The following KIF13A variants were observed in gnomAD, a reference collection of about 807,000 sequenced individuals.
KIF13A encodes the protein kinesin family member 13A, also known as kinesin-like protein KIF13A.
In KIF13A, 79 loss-of-function variants were observed where a neutral mutation model predicts 212.2. The observed-to-expected ratio is 0.37, with a 90% confidence interval of 0.31 to 0.45. KIF13A has a LOEUF of 0.45. KIF13A is among the 20% of genes least tolerant of loss of function. The pLI is 1.00. For missense variants in KIF13A, 1,901 were observed against 2,209.0 expected (o/e 0.86, Z 2.79); for synonymous variants, 789 against 808.6 (o/e 0.98, Z 0.41).
rs188464281 is a variant in KIF13A at position 17,982,997 on chromosome 6, C to G, written c.146+4057G>C. ...CAGCCTGGCCAACATAGTGAAACCC[C>G]GTCTCTACTAAAAATACACAAAAAA... On this transcript the variant is annotated intron_variant, in intron 2 of 38. Transcript: ENST00000259711. The surrounding 1 kb of genome is among the most constrained non-coding windows in gnomAD (Gnocchi z 5.1). Among the ~76,000 whole-genome samples, 62 of 151,852 alleles carry G rather than the reference C, an allele frequency of 4.1e-4. No individual in the cohort carries two copies. The highest frequency in any genetic ancestry group is 1.4e-3 in the African/African-American group (59 of 41,402).
chr6:17,938,063 TA>T lies in KIF13A; in HGVS notation c.147-39884del, dbSNP rs992278848. Among the ~76,000 whole-genome samples, 6 of 52,960 alleles carry T rather than the reference TA, an allele frequency of 1.1e-4. No homozygotes were observed. In the East Asian group the frequency reaches 2.0e-3, roughly 18 times the overall value. 34.7% of individuals were successfully genotyped at this position (52,960 alleles called of 152,430 possible). On this transcript the variant is annotated intron_variant, in intron 2 of 38. Transcript: ENST00000259711. The stretch of plus-strand genomic sequence containing the variant: ...GTGCCCCGCCCTAATTACATAATTT[TA>T]AAATTTTTTTTGTAGAGATGGGGAC...
chr6:17,922,714 G>A (rs1020302471), intron 2 of KIF13A, among the ~76,000 whole-genome samples: 26 of 151,724 alleles, frequency 1.7e-4, no homozygotes, highest in Admixed American at 5.9e-4. Context: ...TGGGTTATCT[G>A]TGTTTTCAGC....
chr6:17,950,674 TAA>T, intron 2 of KIF13A: 7 of 985,056 alleles, frequency 7.1e-6, no homozygotes, highest in Non-Finnish European at 7.2e-6. Flanking sequence ...TTTATGTGTC[TAA>T]GAGTCCTCAA....
chr6:17,779,158 TG>T, intron 32 of KIF13A, 59 bp from the exon 33 acceptor site: 1 of 1,493,064 alleles, frequency 6.7e-7, no homozygotes, highest in African/African-American at 1.4e-5. Context: ...TCATCCAAAG[TG>T]TGGTGAGAAA....
At position 17,912,556 on chromosome 6, in the gene KIF13A, A is replaced by C. The variant is rs1441833002; in HGVS notation, c.147-14376T>G. On this transcript the variant is annotated intron_variant, in intron 2 of 38. Transcript: ENST00000259711. This position sits in a 1 kb window ranked among gnomAD's most constrained non-coding sequence, Gnocchi z 4.2. ...ATATAGACAATGCTTATTAAATTCT[A>C]CTGAATAAACCAACAGAACCCCCAT... Among the ~76,000 whole-genome samples the C allele has an allele frequency of 6.6e-6, 1 of 152,222 alleles. No homozygotes were observed. The highest frequency in any genetic ancestry group is 2.4e-5 in the African/African-American group (1 of 41,452).
At chr6:17,965,136 T>G (rs1056809088) in intron 2 of KIF13A, among the ~76,000 whole-genome samples, 3 of 152,300 alleles carry the variant, frequency 2.0e-5, no homozygotes, top group Non-Finnish European at 4.4e-5. Context: ...GCCAGGATTT[T>G]AAAAATCAAA....
chr6:17,927,783 G>A (rs1775613483), intron 2 of KIF13A, among the ~76,000 whole-genome samples: 2 of 152,196 alleles, frequency 1.3e-5, no homozygotes, highest in South Asian at 2.1e-4. Context: ...CAGAGGCAAT[G>A]GGATGGTGAG....
chr6:17,944,565 C>T (rs145272416), intron 2 of KIF13A, among the ~76,000 whole-genome samples: 24 of 152,242 alleles, frequency 1.6e-4, no homozygotes, highest in African/African-American at 4.6e-4. Flanking sequence ...CCCCTCTTGT[C>T]CCACTCCTCC....
chr6:17,965,643 T>C (rs977787807), intron 2 of KIF13A, among the ~76,000 whole-genome samples: 1 of 152,244 alleles, frequency 6.6e-6, no homozygotes, highest in East Asian at 1.9e-4. Flanking sequence ...TTTCAGAGCA[T>C]AGCAATAAAG....
intron 2 of KIF13A, among the ~76,000 whole-genome samples, chr6:17,957,294 A>G (rs760883536): frequency 1.6e-4 from 25 of 152,210 alleles, no homozygotes; most frequent in Non-Finnish European, 3.4e-4. Context: ...TGGAGGCAGC[A>G]GACAGGACAG....
At position 17,950,875 on chromosome 6, in the gene KIF13A, A is replaced by C; in HGVS notation, c.146+36179T>G. The C allele has an allele frequency of 2.7e-5, 27 of 983,646 alleles. 1 individual carries two copies. Among genetic ancestry groups the C allele is most frequent in the Non-Finnish European group, 3.3e-5 (27 of 828,316 alleles). 60.9% of individuals were successfully genotyped at this position (983,646 alleles called of 1,614,324 possible). A position where few individuals can be genotyped will look rare whatever the true frequency, so the allele number is the denominator to read the frequency against. ...CAACACTATTGAACATAAATGATTA[A>C]ATGTGTGGGATAATTAGAAACAACC... On this transcript the variant is annotated intron_variant, in intron 2 of 38. Coordinates refer to ENST00000259711, the MANE Select transcript of KIF13A (RefSeq NM_022113.6).
Position 17,855,526 on chromosome 6 carries a change from C to T in KIF13A, c.405G>A (p.Leu135=). 1 of 1,613,688 alleles carries T rather than the reference C, an allele frequency of 6.2e-7. No individual in the cohort carries two copies. The highest frequency in any genetic ancestry group is 8.5e-7 in the Non-Finnish European group (1 of 1,179,702). Reference sequence around the variant, plus strand: ...TAAAGGTCTGTGACTCATTTTGCTCCAAAGAGATCCTTTTAAATAAAGCAC... The same window carrying T: ...TAAAGGTCTGTGACTCATTTTGCTCTAAAGAGATCCTTTTAAATAAAGCAC... ...LCCALFKRIS[L]EQNESQTFKV... Residue 135 remains leucine (L), a synonymous_variant, in exon 6 of 39, where the codon TTG becomes TTA. Transcript: ENST00000259711. This position sits in a 1 kb window ranked among gnomAD's most constrained non-coding sequence, Gnocchi z 4.1.
intron 16 of KIF13A, among the ~76,000 whole-genome samples, chr6:17,819,606 C>T (rs1038594072): frequency 1.2e-4 from 17 of 145,116 alleles, no homozygotes; most frequent in Non-Finnish European, 2.5e-4. Flanking sequence ...AAAACCCAAA[C>T]CAAAAAACAA....
In KIF13A at chr6:17,799,933, C is replaced by G; in HGVS notation, c.2616+19G>C. 3.7e-6 allele frequency: 6 copies of G among 1,611,580 alleles called. No homozygotes were observed. Among genetic ancestry groups the G allele is most frequent in the Non-Finnish European group, 5.1e-6 (6 of 1,178,590 alleles). ...TGAAAAAGGTCATTTATATGAGCCT[C>G]CCATCACTGTCCTCTCACCCGACAT... On this transcript the variant is annotated intron_variant, in intron 21 of 38. Coordinates refer to ENST00000259711, the MANE Select transcript of KIF13A (RefSeq NM_022113.6). The surrounding 1 kb of genome is among the most constrained non-coding windows in gnomAD (Gnocchi z 4.4).
chr6:17,812,799 T>C (rs1410328085), intron 17 of KIF13A, among the ~76,000 whole-genome samples: 1 of 152,186 alleles, frequency 6.6e-6, no homozygotes, highest in Non-Finnish European at 1.5e-5. Flanking sequence ...TCACCAACAG[T>C]GTATAAGGGT....
chr6:17,928,493 A>G (rs1377089780), intron 2 of KIF13A, among the ~76,000 whole-genome samples: 1 of 152,228 alleles, frequency 6.6e-6, no homozygotes, highest in African/African-American at 2.4e-5. Context: ...CAGAGGAGCC[A>G]CAATGGGTTC....
chr6:17,812,914 T>C (rs1052129111), intron 17 of KIF13A, among the ~76,000 whole-genome samples: 1 of 152,260 alleles, frequency 6.6e-6, no homozygotes, highest in African/African-American at 2.4e-5. Context: ...TTGATTTGCA[T>C]TTCCCTAGTC....
intron 2 of KIF13A, among the ~76,000 whole-genome samples, chr6:17,964,862 C>T (rs1779158806): frequency 6.6e-6 from 1 of 151,994 alleles, no homozygotes. Context: ...CTCGCTCTGT[C>T]GCCAGGCTGG....
Position 17,776,463 on chromosome 6 carries a change from C to T in KIF13A, c.4170+814G>A, listed in dbSNP as rs971281014. On this transcript the variant is annotated intron_variant, in intron 34 of 38. Transcript: ENST00000259711. The surrounding 1 kb of genome is among the most constrained non-coding windows in gnomAD (Gnocchi z 4.6). ...CTTTGAGAAATGAGTTCATGAAAAG[C>T]GTTTTTCAATTTACAACTATATGAG... Among the ~76,000 whole-genome samples the T allele has an allele frequency of 2.6e-5, 4 of 152,188 alleles. No homozygotes were observed. The highest frequency in any genetic ancestry group is 9.6e-5 in the African/African-American group (4 of 41,518).
Sources: allele counts gnomAD v4.1 joint callset (sites outside exome capture counted in the v4.1 genomes callset), GRCh38; gene constraint gnomAD v4.1.1; non-coding constraint Gnocchi (gnomAD v3.1); transcripts MANE v1.5; gene names NCBI Gene and HGNC (gene_info 2026-07-23, HGNC 2026-07-21).